The following CDH18 variants were observed in gnomAD, a reference collection of about 807,000 sequenced individuals.
The protein encoded by CDH18 is cadherin-18.
In CDH18, 31 loss-of-function variants were observed where a neutral mutation model predicts 67.9. That is an observed-to-expected ratio of 0.46 (90% confidence interval 0.34 to 0.62). The LOEUF (loss-of-function observed/expected upper bound fraction) is 0.62. Among genes scored for constraint, CDH18 ranks in the 20% least tolerant of loss-of-function variants. The pLI, the probability that CDH18 is intolerant of heterozygous loss-of-function variation, is 0.01. For synonymous variants in CDH18, 362 were observed against 347.2 expected (o/e 1.04, Z -0.48); for missense variants, 890 against 975.5 (o/e 0.91, Z 1.17).
chr5:20,421,078 A>G (rs1486565574), intron 1 of CDH18, among the ~76,000 whole-genome samples: 1 of 150,778 alleles, frequency 6.6e-6, no homozygotes, highest in Non-Finnish European at 1.5e-5. Flanking sequence ...TTTTTTCCCT[A>G]TTTATCACAA....
chr5:19,980,452 T>G (rs1579928102), intron 2 of CDH18, among the ~76,000 whole-genome samples: 1 of 152,288 alleles, frequency 6.6e-6, no homozygotes, highest in African/African-American at 2.4e-5. Flanking sequence ...TTCCACTAAA[T>G]ATATATTGAA....
chr5:20,482,228 T>C (rs902263605), intron 1 of CDH18, among the ~76,000 whole-genome samples: 1 of 151,942 alleles, frequency 6.6e-6, no homozygotes, highest in Admixed American at 6.6e-5. Flanking sequence ...TCTACTAAGA[T>C]TGAACCATTA....
At chr5:19,975,836 T>C (rs1262588503) in intron 2 of CDH18, among the ~76,000 whole-genome samples, 1 of 152,184 alleles carries the variant, frequency 6.6e-6, no homozygotes, top group African/African-American at 2.4e-5. Context: ...AGCACAATTT[T>C]ACACTTGGAA....
chr5:19,478,288 A>C (rs1738830072), intron 12 of CDH18, among the ~76,000 whole-genome samples: 1 of 152,102 alleles, frequency 6.6e-6, no homozygotes, highest in African/African-American at 2.4e-5. Flanking sequence ...AATTTTTTAA[A>C]CCTCAAATAC....
At chr5:19,740,135 T>A (rs1768905378) in intron 4 of CDH18, among the ~76,000 whole-genome samples, 1 of 152,202 alleles carries the variant, frequency 6.6e-6, no homozygotes, top group Non-Finnish European at 1.5e-5. Flanking sequence ...TATAATTCTG[T>A]TAAAATATAA....
intron 1 of CDH18, among the ~76,000 whole-genome samples, chr5:20,438,154 A>T (rs1749318132): frequency 6.6e-6 from 1 of 151,014 alleles, no homozygotes; most frequent in Non-Finnish European, 1.5e-5. Context: ...ATCCCTATTC[A>T]CGAATAAAGT....
chr5:19,725,426 C>T (rs753572413), intron 4 of CDH18, among the ~76,000 whole-genome samples: 1 of 152,144 alleles, frequency 6.6e-6, no homozygotes, highest in Non-Finnish European at 1.5e-5. Context: ...TTTAAATGTG[C>T]AGCAAGCTTA....
chr5:20,247,550 G>A (rs1004897948), intron 2 of CDH18, among the ~76,000 whole-genome samples: 70 of 152,112 alleles, frequency 4.6e-4, no homozygotes, highest in African/African-American at 1.7e-3. Context: ...TGGATAACGA[G>A]GTCAAGAGAT....
intron 11 of CDH18, among the ~76,000 whole-genome samples, chr5:19,496,018 T>C (rs1333291865): frequency 6.6e-6 from 1 of 152,188 alleles, no homozygotes; most frequent in Non-Finnish European, 1.5e-5. Context: ...ATTTGTTACA[T>C]TCAAAATTTA....
intron 5 of CDH18, among the ~76,000 whole-genome samples, chr5:19,716,530 T>G (rs149949250): frequency 6.6e-6 from 1 of 152,038 alleles, no homozygotes; most frequent in Non-Finnish European, 1.5e-5. Context: ...TCTTTGAAAC[T>G]GATAGTCATT....
At chr5:20,058,209 G>C (rs1052852673) in intron 2 of CDH18, among the ~76,000 whole-genome samples, 1 of 151,972 alleles carries the variant, frequency 6.6e-6, no homozygotes, top group African/African-American at 2.4e-5. Flanking sequence ...AATTGTATTA[G>C]AACTATCTTT....
At chr5:19,748,164 T>G (rs1770372601) in intron 3 of CDH18, among the ~76,000 whole-genome samples, 1 of 145,008 alleles carries the variant, frequency 6.9e-6, no homozygotes, top group African/African-American at 2.5e-5. Context: ...AGTATTTTTT[T>G]AGTTAGGGAT....
chr5:19,549,554 G>T (rs962195389), intron 8 of CDH18, among the ~76,000 whole-genome samples: 8 of 147,478 alleles, frequency 5.4e-5, no homozygotes, highest in South Asian at 2.1e-4. Flanking sequence ...AAGAATGAAA[G>T]ATATATATTA....
chr5:20,495,398 A>T (rs999595762), intron 1 of CDH18, among the ~76,000 whole-genome samples: 2 of 152,182 alleles, frequency 1.3e-5, no homozygotes, highest in African/African-American at 4.8e-5. Flanking sequence ...AACAAAAAAG[A>T]ATGCTTAAAG....
intron 2 of CDH18, among the ~76,000 whole-genome samples, chr5:19,913,592 A>C (rs1411757355): frequency 1.3e-5 from 2 of 152,142 alleles, no homozygotes; most frequent in African/African-American, 4.8e-5. Context: ...CAGTTCAAGA[A>C]TATATCACGA....
At chr5:20,158,697 A>C (rs1751744482) in intron 2 of CDH18, 1 of 170,174 alleles carries the variant, frequency 5.9e-6, no homozygotes, top group Non-Finnish European at 1.4e-5. Context: ...TCTGTTTGCC[A>C]GATGTCCTTC....
At chr5:19,560,449 G>C (rs1455049711) in intron 8 of CDH18, among the ~76,000 whole-genome samples, 1 of 152,050 alleles carries the variant, frequency 6.6e-6, no homozygotes, top group Non-Finnish European at 1.5e-5. Flanking sequence ...GGGATAACTG[G>C]CAAGCCACAG....
chr5:19,655,153 G>A (rs1051942879), intron 5 of CDH18, among the ~76,000 whole-genome samples: 11 of 152,082 alleles, frequency 7.2e-5, no homozygotes, highest in African/African-American at 2.4e-4. Flanking sequence ...CCCTTCCTCT[G>A]TAGCATATGT....
intron 2 of CDH18, among the ~76,000 whole-genome samples, chr5:19,965,406 T>A (rs1797327731): frequency 6.6e-6 from 1 of 152,202 alleles, no homozygotes. Context: ...TGAACTTTGC[T>A]GTATTCAATG....
Sources: gnomAD v4.1 joint callset for allele counts (sites outside exome capture counted in the v4.1 genomes callset) on GRCh38, gnomAD v4.1.1 for gene constraint, MANE v1.5 for transcripts, NCBI Gene and HGNC (gene_info 2026-07-23, HGNC 2026-07-21) for gene names.